The following CASP9 variants were observed in gnomAD, a reference collection of about 807,000 sequenced individuals.
The protein encoded by CASP9 is caspase-9.
CASP9 carries 29 observed loss-of-function variants against 43.5 expected under a neutral mutation model. The observed-to-expected ratio is 0.67, with a 90% CI of 0.50 to 0.91. The LOEUF (loss-of-function observed/expected upper bound fraction) is 0.91. CASP9 is among the 40% of genes least tolerant of loss of function. The pLI is 0.00. For synonymous variants in CASP9, 206 were observed against 211.9 expected (o/e 0.97, Z 0.24); for missense variants, 575 against 537.4 (o/e 1.07, Z -0.69).
At chr1:15,514,065 G>A (rs1397934619) in intron 2 of CASP9, among the ~76,000 whole-genome samples, 1 of 152,160 alleles carries the variant, frequency 6.6e-6, no homozygotes, top group East Asian at 1.9e-4. Context: ...GAATATGTAT[G>A]AGTGCAGTGT....
chr1:15,506,315 G>A (rs1383383371), intron 4 of CASP9, among the ~76,000 whole-genome samples: 1 of 152,028 alleles, frequency 6.6e-6, no homozygotes, highest in Non-Finnish European at 1.5e-5. Flanking sequence ...ATTTAGCCAG[G>A]CATGGTGGCA....
At chr1:15,521,643 T>C (rs1389214316) in intron 1 of CASP9, among the ~76,000 whole-genome samples, 1 of 152,236 alleles carries the variant, frequency 6.6e-6, no homozygotes, top group East Asian at 1.9e-4. Flanking sequence ...CTTCACCTTA[T>C]CAATCACTTA....
At chr1:15,498,936 A>G (rs192852674) in intron 6 of CASP9, among the ~76,000 whole-genome samples, 81 of 151,754 alleles carry the variant, frequency 5.3e-4, no homozygotes, top group African/African-American at 1.9e-3. Flanking sequence ...ATGGGGCTTC[A>G]CTGTGTTAGC....
intron 3 of CASP9, 80 bp from the exon 4 acceptor site, chr1:15,507,155 G>A (rs767126725): frequency 3.2e-5 from 50 of 1,560,106 alleles, no homozygotes; most frequent in South Asian, 2.3e-4. Context: ...GGAAGAAAAC[G>A]GGGTCTGCCC....
In CASP9 at chr1:15,507,877, T is replaced by C; in HGVS notation, c.449A>G (p.Asp150Gly). The change falls in exon 3 of 9, where the codon GAT (aspartate) becomes GGT (glycine). Residue 150 changes from aspartate (D) to glycine (G), a missense_variant. Physicochemically the swap from Asp to Gly is moderately conservative, Grantham distance 94. Transcript: ENST00000333868. ...CCAAATTTCATGGAGACTCACCAAA[T>C]CTGCATTTCCCCTCAAACTCTCAAG... The part of the protein sequence containing the change: ...GALESLRGNA[D>G]LAYILSMEPC... 1 of 1,614,084 alleles carries C rather than the reference T, an allele frequency of 6.2e-7. No individual in the cohort carries two copies. Among genetic ancestry groups the C allele is most frequent in the Non-Finnish European group, 8.5e-7 (1 of 1,179,994 alleles).
rs528078253 is a variant in CASP9 at position 15,519,308 on chromosome 1, T to C, written c.133-913A>G. On this transcript the variant is annotated intron_variant, in intron 1 of 8. Coordinates refer to ENST00000333868, the MANE Select transcript of CASP9 (RefSeq NM_001229.5). The stretch of plus-strand genomic sequence containing the variant: ...GATTCTCCCACATCAGCCTCCCAGG[T>C]AGCTGGGACTACAGGCACCCACCAC... 3.3e-5 allele frequency among the ~76,000 whole-genome samples: 5 copies of C among 152,134 alleles called. No individual in the cohort carries two copies. The South Asian group carries it at 1.0e-3, about 32-fold the overall frequency.
In CASP9 at chr1:15,500,712, A is replaced by G. The variant is rs1430903898; in HGVS notation, c.868+3899T>C. Among the ~76,000 whole-genome samples, 6 of 152,054 alleles carry G rather than the reference A, an allele frequency of 3.9e-5. No individual in the cohort carries two copies. The East Asian group carries it at 7.7e-4, about 20-fold the overall frequency. ...CCGGAATCTGCCCCAGGTGTCTGGG[A>G]ATGACGTGAAACAGCACAGCAAGGA... On this transcript the variant is annotated intron_variant, in intron 6 of 8. Coordinates refer to ENST00000333868, the MANE Select transcript of CASP9 (RefSeq NM_001229.5).
intron 2 of CASP9, among the ~76,000 whole-genome samples, chr1:15,516,634 C>G (rs532619048): frequency 6.6e-6 from 1 of 152,326 alleles, no homozygotes; most frequent in South Asian, 2.1e-4. Flanking sequence ...CACCACCACA[C>G]CTGGCTAAAA....
chr1:15,518,231 C>A lies in CASP9; in HGVS notation c.297G>T (p.Ser99=). ...GGGTAAGGTTTTCTAGGGTTGGCTT[C>A]GACAACTTTGCTGCTTGCCTGTTAG... The part of the protein sequence containing the change: ...LRTNRQAAKL[S]KPTLENLTPV... Residue 99 remains serine, a synonymous_variant, in exon 2 of 9, where the codon TCG becomes TCT. Coordinates refer to ENST00000333868, the MANE Select transcript of CASP9 (RefSeq NM_001229.5). 6.2e-7 allele frequency: 1 copy of A among 1,614,186 alleles called. No individual in the cohort carries two copies. The highest frequency in any genetic ancestry group is 8.5e-7 in the Non-Finnish European group (1 of 1,180,046).
chr1:15,518,075 C>G (rs960949340), intron 2 of CASP9, 35 bp downstream of exon 2: 1 of 1,608,434 alleles, frequency 6.2e-7, no homozygotes, highest in Non-Finnish European at 8.5e-7. Flanking sequence ...GACTACGTGT[C>G]ATGCCCACCC....
intron 8 of CASP9, chr1:15,493,382 T>C: frequency 8.1e-7 from 1 of 1,231,372 alleles, no homozygotes. Context: ...CACAGGACCC[T>C]CAGAGGAAGC....
intron 8 of CASP9, chr1:15,493,495 G>A (rs1467720045): frequency 7.5e-7 from 1 of 1,324,730 alleles, no homozygotes; most frequent in South Asian, 2.1e-5. Flanking sequence ...GATGTACAAG[G>A]AGGGGTTCAC....
chr1:15,501,922 C>T (rs1033265048), intron 6 of CASP9, among the ~76,000 whole-genome samples: 2 of 152,274 alleles, frequency 1.3e-5, no homozygotes, highest in South Asian at 4.1e-4. Flanking sequence ...TAGGCACACA[C>T]CACCAGGCCT....
intron 8 of CASP9, 144 bp from the exon 9 acceptor site, chr1:15,493,179 A>T: frequency 6.8e-7 from 1 of 1,473,304 alleles, no homozygotes; most frequent in Non-Finnish European, 8.9e-7. Context: ...GAGGGCTTAA[A>T]GAATACGCAC....
At chr1:15,519,560 G>A (rs1388925459) in intron 1 of CASP9, among the ~76,000 whole-genome samples, 1 of 152,154 alleles carries the variant, frequency 6.6e-6, no homozygotes, top group Non-Finnish European at 1.5e-5. Context: ...GGTGAAAAAT[G>A]GAAAGGAGTG....
Position 15,524,051 on chromosome 1 carries a change from A to AGGGGCC in CASP9, c.132+17_132+18insGGCCCC. On this transcript the variant is annotated intron_variant, in intron 1 of 8. Transcript: ENST00000333868. ...GGACCCGGCCGTGCAGCGCGGGGAC[A>AGGGGCC]GGGGGCCGGGGGCGCACCTGGATGT... The AGGGGCC allele has an allele frequency of 2.2e-6, 3 of 1,392,324 alleles. No individual in the cohort carries two copies. The highest frequency in any genetic ancestry group is 2.8e-6 in the Non-Finnish European group (3 of 1,066,808). The allele number at this position is 1,392,324 out of a possible 1,614,324, so 86.2% of individuals were successfully genotyped here.
upstream of CASP9, chr1:15,524,483 G>C: frequency 1.2e-6 from 1 of 812,026 alleles, no homozygotes; most frequent in South Asian, 2.2e-5. Flanking sequence ...CACGCTCCGC[G>C]TCACCGCCCC....
At chr1:15,494,579 A>G (rs889324146) in intron 7 of CASP9, among the ~76,000 whole-genome samples, 1 of 151,276 alleles carries the variant, frequency 6.6e-6, no homozygotes, top group Admixed American at 6.6e-5. Flanking sequence ...AAAAAAAAAA[A>G]AAGGCTGGGC....
intron 2 of CASP9, among the ~76,000 whole-genome samples, chr1:15,513,337 T>A (rs1371683608): frequency 6.6e-6 from 1 of 152,088 alleles, no homozygotes; most frequent in African/African-American, 2.4e-5. Flanking sequence ...TTGGTTCTCT[T>A]TCTCTGGAGA....
Sources: gnomAD v4.1 joint callset for allele counts (sites outside exome capture counted in the v4.1 genomes callset) on GRCh38, gnomAD v4.1.1 for gene constraint, MANE v1.5 for transcripts, NCBI Gene and HGNC (gene_info 2026-07-23, HGNC 2026-07-21) for gene names.